CHD6: variants seen among roughly 807,000 people sequenced by gnomAD.
CHD6 encodes the protein ATP-dependent chromatin remodeler CHD6.
Under a neutral mutation model 276.9 loss-of-function variants are expected in CHD6, and 50 were observed. That is an observed-to-expected ratio of 0.18 (90% CI 0.14 to 0.23). CHD6 has a LOEUF of 0.23. CHD6 is among the 10% of genes least tolerant of loss of function. The probability of loss-of-function intolerance (pLI) is 1.00; values close to 1 mark genes in which losing one functional copy is unlikely to be tolerated. For synonymous variants in CHD6, 1,173 were observed against 1,229.3 expected (o/e 0.95, Z 0.96); for missense variants, 2,564 against 3,365.8 (o/e 0.76, Z 5.89).
intron 1 of CHD6, among the ~76,000 whole-genome samples, chr20:41,554,738 T>G (rs1046761993): frequency 6.6e-5 from 10 of 151,952 alleles, no homozygotes; most frequent in Admixed American, 6.6e-4. Context: ...ATAAGAATTT[T>G]TCTTAGTACA....
chr20:41,477,138 G>A lies in CHD6; in HGVS notation c.2469-3621C>T, dbSNP rs574386046. On this transcript the variant is annotated intron_variant, in intron 16 of 36. Transcript: ENST00000373233. ...TGCCTATCGTCCTAGCTACTCAGGA[G>A]GAGTAGGTGGGAGGATTGCTTGGGC... 3.3e-5 allele frequency among the ~76,000 whole-genome samples: 5 copies of A among 152,264 alleles called. No homozygotes were observed. The East Asian group carries it at 9.6e-4, about 29-fold the overall frequency.
chr20:41,416,545 C>A, intron 33 of CHD6, 43 bp downstream of exon 33: 1 of 1,544,232 alleles, frequency 6.5e-7, no homozygotes, highest in South Asian at 1.2e-5. Flanking sequence ...GGAACACGCC[C>A]ACCATTCTTT....
At chr20:41,492,158 C>T (rs1420926459) in intron 10 of CHD6, among the ~76,000 whole-genome samples, 1 of 152,192 alleles carries the variant, frequency 6.6e-6, no homozygotes, top group Non-Finnish European at 1.5e-5. Context: ...TTCCATTAGA[C>T]TGTGAGCTCC....
In CHD6 at chr20:41,614,050, T is replaced by C. The variant is rs539873931; in HGVS notation, c.-24+4290A>G. On this transcript the variant is annotated intron_variant, in intron 1 of 36. Coordinates refer to ENST00000373233, the MANE Select transcript of CHD6 (RefSeq NM_032221.5). ...CTAAAACCAAAATACCTTGGTCACATAGTATATAAGAAAATCCAAAATATA... is the reference window on the plus strand; with the variant it reads ...CTAAAACCAAAATACCTTGGTCACACAGTATATAAGAAAATCCAAAATATA... Among the ~76,000 whole-genome samples, 554 of 151,714 alleles carry C rather than the reference T, an allele frequency of 3.7e-3. 3 individuals carry two copies. The highest frequency in any genetic ancestry group is 0.013 in the African/African-American group (528 of 41,374).
At chr20:41,594,147 C>T (rs1283784233) in intron 1 of CHD6, among the ~76,000 whole-genome samples, 1 of 152,040 alleles carries the variant, frequency 6.6e-6, no homozygotes, top group African/African-American at 2.4e-5. Flanking sequence ...TTTTATCTAA[C>T]CTCATAAAGG....
At chr20:41,524,907 T>A (rs1162016250) in intron 3 of CHD6, among the ~76,000 whole-genome samples, 5 of 152,226 alleles carry the variant, frequency 3.3e-5, no homozygotes. Flanking sequence ...ATGTGTTCAT[T>A]CTTTTCCTTG....
intron 16 of CHD6, among the ~76,000 whole-genome samples, chr20:41,479,752 G>T (rs147479283): frequency 6.6e-6 from 1 of 152,180 alleles, no homozygotes; most frequent in Non-Finnish European, 1.5e-5. Flanking sequence ...TATAATGAAA[G>T]ATAAAGTCAA....
At chr20:41,530,416 T>C (rs952967639) in intron 3 of CHD6, among the ~76,000 whole-genome samples, 2 of 152,166 alleles carry the variant, frequency 1.3e-5, no homozygotes, top group Admixed American at 1.3e-4. Flanking sequence ...AAGCATTAAG[T>C]GAGTCATTTA....
intron 1 of CHD6, among the ~76,000 whole-genome samples, chr20:41,559,659 C>G (rs970251295): frequency 4.6e-4 from 70 of 152,124 alleles, no homozygotes; most frequent in African/African-American, 1.7e-3. Flanking sequence ...TCAATGCTGT[C>G]AATACCAGAA....
At chr20:41,503,454 A>G (rs779070212) in intron 5 of CHD6, among the ~76,000 whole-genome samples, 85 of 152,250 alleles carry the variant, frequency 5.6e-4, no homozygotes, top group Middle Eastern at 3.4e-3. Flanking sequence ...CAGGTCCTAC[A>G]TTGTATTTCT....
intron 3 of CHD6, among the ~76,000 whole-genome samples, chr20:41,518,068 G>C (rs1391133525): frequency 1.3e-5 from 2 of 152,112 alleles, no homozygotes; most frequent in African/African-American, 4.8e-5. Context: ...CTTAGAAAAA[G>C]GTTTCTTTGA....
chr20:41,465,666 G>T (rs2042903696), intron 17 of CHD6, among the ~76,000 whole-genome samples: 1 of 152,138 alleles, frequency 6.6e-6, no homozygotes, highest in African/African-American at 2.4e-5. Flanking sequence ...TGCTTTCTTG[G>T]TTTCAATCAT....
intron 17 of CHD6, among the ~76,000 whole-genome samples, chr20:41,463,213 GAA>G (rs2042843067): frequency 6.6e-6 from 1 of 152,090 alleles, no homozygotes; most frequent in Non-Finnish European, 1.5e-5. Flanking sequence ...ATAAATGGGA[GAA>G]AAAGGGAACA....
At chr20:41,539,833 T>C (rs781355183) in intron 2 of CHD6, among the ~76,000 whole-genome samples, 12 of 152,172 alleles carry the variant, frequency 7.9e-5, no homozygotes, top group African/African-American at 1.7e-4. Context: ...TTTAAATTAA[T>C]AGTACACCCA....
rs564635814 is a variant in CHD6 at position 41,489,931 on chromosome 20, G to A, written c.1527C>T (p.His509=). The change falls in exon 12 of 37, where the codon CAC becomes CAT. Residue 509 remains histidine (H), a synonymous_variant. Coordinates refer to ENST00000373233, the MANE Select transcript of CHD6 (RefSeq NM_032221.5). The part of the protein sequence containing the change: ...FLSEIFLRGI[H]GPFLIIAPLS... Reference sequence around the variant, plus strand: ...GAGGGGCGATAATGAGAAAAGGGCCGTGGATTCCTCTCAGAAATATTTCTG... The same window carrying A: ...GAGGGGCGATAATGAGAAAAGGGCCATGGATTCCTCTCAGAAATATTTCTG... 2.0e-5 allele frequency: 32 copies of A among 1,614,054 alleles called. No homozygotes were observed. Among genetic ancestry groups the A allele is most frequent in the African/African-American group, 4.0e-5 (3 of 75,020 alleles).
chr20:41,498,813 G>GTATGTA (rs1259085549), intron 6 of CHD6, among the ~76,000 whole-genome samples: 79 of 65,074 alleles, frequency 1.2e-3, no homozygotes, highest in East Asian at 4.7e-3. Flanking sequence ...ATGTATGTAT[G>GTATGTA]TGTGTGTGTG....
intron 1 of CHD6, among the ~76,000 whole-genome samples, chr20:41,563,105 C>T (rs1442998529): frequency 6.6e-6 from 1 of 152,178 alleles, no homozygotes; most frequent in Non-Finnish European, 1.5e-5. Context: ...AGCTCTGTTA[C>T]CCTGCATGTG....
rs1569040174 is a variant in CHD6, at chr20:41,408,516, T to TG, written c.7252-3028dup. Reference sequence around the variant, plus strand: ...CACCAGTCTGTCTTGAGCTCATCAATGCAAATCGTCTCATTCTGGGCCAGC... The same window carrying TG: ...CACCAGTCTGTCTTGAGCTCATCAATGGCAAATCGTCTCATTCTGGGCCAGC... On this transcript the variant is annotated intron_variant, in intron 36 of 36. Coordinates refer to ENST00000373233, the MANE Select transcript of CHD6 (RefSeq NM_032221.5). Among the ~76,000 whole-genome samples, 8 of 152,264 alleles carry TG rather than the reference T, an allele frequency of 5.3e-5. 1 individual carries two copies. The highest frequency in any genetic ancestry group is 1.9e-4 in the African/African-American group (8 of 41,542).
chr20:41,419,115 T>C (rs2047097387), intron 31 of CHD6, among the ~76,000 whole-genome samples: 1 of 152,170 alleles, frequency 6.6e-6, no homozygotes, highest in Admixed American at 6.5e-5. Flanking sequence ...TCAGGCATAG[T>C]TGTAGACTGG....
Sources: allele counts gnomAD v4.1 joint callset (sites outside exome capture counted in the v4.1 genomes callset), GRCh38; gene constraint gnomAD v4.1.1; transcripts MANE v1.5; gene names NCBI Gene and HGNC (gene_info 2026-07-23, HGNC 2026-07-21).